Variants in DIAPH3 observed in about 807,000 individuals in gnomAD.
DIAPH3 encodes the protein protein diaphanous homolog 3.
In DIAPH3, 117 loss-of-function variants were observed where a neutral mutation model predicts 144.3. The ratio of observed to expected loss-of-function variants is 0.81; its 90% confidence interval spans 0.70 to 0.95. The LOEUF is 0.95. Ranked by LOEUF, DIAPH3 falls within the 40% of genes least tolerant of loss-of-function variation. DIAPH3 has a pLI of 0.00. For missense variants in DIAPH3, 1,421 were observed against 1,412.7 expected, an observed-to-expected ratio of 1.01 and a Z score of -0.09; for synonymous variants, 519 against 488.9, an observed-to-expected ratio of 1.06 and a Z score of -0.81.
At chr13:59,837,104 T>C (rs149101806) in intron 23 of DIAPH3, among the ~76,000 whole-genome samples, 1 of 152,120 alleles carries the variant, frequency 6.6e-6, no homozygotes, top group African/African-American at 2.4e-5. Flanking sequence ...CAAAGAATAT[T>C]TATGATTATA....
chr13:60,107,929 AT>A (rs2058464466), intron 3 of DIAPH3, among the ~76,000 whole-genome samples: 1 of 152,200 alleles, frequency 6.6e-6, no homozygotes, highest in Admixed American at 6.5e-5. Flanking sequence ...CTCTCAACCG[AT>A]AGTGAAAATA....
chr13:59,789,284 A>G (rs1320496677), intron 25 of DIAPH3, among the ~76,000 whole-genome samples: 1 of 152,100 alleles, frequency 6.6e-6, no homozygotes, highest in Admixed American at 6.6e-5. Flanking sequence ...ATGGCACAGC[A>G]CCTCCACTTC....
chr13:60,003,596 T>C (rs977816711), intron 9 of DIAPH3, among the ~76,000 whole-genome samples: 5 of 151,450 alleles, frequency 3.3e-5, no homozygotes, highest in African/African-American at 9.7e-5. Context: ...TTTTATGAGA[T>C]GGAGTCTTGC....
chr13:59,716,570 T>C (rs561392022), intron 27 of DIAPH3, among the ~76,000 whole-genome samples: 21 of 152,346 alleles, frequency 1.4e-4, no homozygotes, highest in Admixed American at 9.8e-4. Flanking sequence ...TGCCAGGCAA[T>C]ACACTAAACC....
At chr13:59,981,987 C>G (rs569016710) in intron 13 of DIAPH3, among the ~76,000 whole-genome samples, 3 of 151,440 alleles carry the variant, frequency 2.0e-5, no homozygotes, top group African/African-American at 7.2e-5. Flanking sequence ...AATTTTGATT[C>G]CCATTACATT....
At chr13:60,160,849 A>G (rs1033583694) in intron 1 of DIAPH3, among the ~76,000 whole-genome samples, 10 of 152,248 alleles carry the variant, frequency 6.6e-5, no homozygotes, top group African/African-American at 2.2e-4. Flanking sequence ...TACAATTACA[A>G]TAGACTAATT....
At chr13:59,689,337 AGAGG>A (rs1250939032) in intron 27 of DIAPH3, among the ~76,000 whole-genome samples, 5 of 151,900 alleles carry the variant, frequency 3.3e-5, no homozygotes, top group East Asian at 1.9e-4. Context: ...CACCCACACA[AGAGG>A]AAGGAAGGAA....
At chr13:59,866,153 T>C (rs570346389) in intron 21 of DIAPH3, among the ~76,000 whole-genome samples, 20 of 151,918 alleles carry the variant, frequency 1.3e-4, no homozygotes, top group Non-Finnish European at 2.2e-4. Context: ...GACAGTAGCA[T>C]CCTCAGCATT....
chr13:59,723,085 G>A (rs988103357), intron 27 of DIAPH3, among the ~76,000 whole-genome samples: 1 of 152,112 alleles, frequency 6.6e-6, no homozygotes, highest in African/African-American at 2.4e-5. Context: ...TCAGAATAAT[G>A]TTCAGGGACT....
chr13:59,932,999 C>G (rs1199893933), intron 17 of DIAPH3, among the ~76,000 whole-genome samples: 1 of 151,974 alleles, frequency 6.6e-6, no homozygotes, highest in East Asian at 1.9e-4. Flanking sequence ...CAGTGGAAAA[C>G]CAGCAAAAAT....
At chr13:60,144,827 T>C (rs916264718) in intron 1 of DIAPH3, 1 of 152,252 alleles carries the variant, frequency 6.6e-6, no homozygotes, top group Non-Finnish European at 1.5e-5. Context: ...TTTTAGTTCC[T>C]GGTTCCAGTC....
chr13:60,087,289 C>A (rs2057778135), intron 4 of DIAPH3, among the ~76,000 whole-genome samples: 1 of 152,138 alleles, frequency 6.6e-6, no homozygotes, highest in African/African-American at 2.4e-5. Context: ...CTTTTCTGAT[C>A]AAGATACGCC....
Position 59,905,342 on chromosome 13 carries a change from C to CA in DIAPH3, c.2367+6392dup, listed in dbSNP as rs59114311. Among the ~76,000 whole-genome samples, 110 of 69,740 alleles carry CA rather than the reference C, an allele frequency of 1.6e-3. 4 individuals are homozygous for CA. The highest frequency in any genetic ancestry group is 2.1e-3 in the African/African-American group (28 of 13,324). The allele number at this position is 69,740 out of a possible 152,430, so 45.8% of individuals were successfully genotyped here. A position where few individuals can be genotyped will look rare whatever the true frequency, so the allele number is the denominator to read the frequency against. Reference sequence around the variant, plus strand: ...TGGGCGACAGAGCGAGACTCTGTCTCAAAAAAAAAAAAAAAAAAAAAAAAA... The same window carrying CA: ...TGGGCGACAGAGCGAGACTCTGTCTCAAAAAAAAAAAAAAAAAAAAAAAAAA... On this transcript the variant is annotated intron_variant, in intron 20 of 27. Transcript: ENST00000400324.
chr13:60,099,449 C>A (rs1046180415), intron 3 of DIAPH3, among the ~76,000 whole-genome samples: 1 of 152,256 alleles, frequency 6.6e-6, no homozygotes, highest in Admixed American at 6.5e-5. Context: ...GGACACAGTA[C>A]AGTCAGTTGT....
intron 17 of DIAPH3, among the ~76,000 whole-genome samples, chr13:59,945,638 CA>C: frequency 6.7e-6 from 1 of 149,018 alleles, no homozygotes; most frequent in African/African-American, 2.5e-5. Flanking sequence ...AAAAAAGCCA[CA>C]CTAGCACTAA....
chr13:59,898,136 A>G (rs1161086719), intron 20 of DIAPH3, among the ~76,000 whole-genome samples: 1 of 29,424 alleles, frequency 3.4e-5, no homozygotes, highest in African/African-American at 1.0e-4. Flanking sequence ...CTCTGCCTCA[A>G]AAAAAAAAAA....
intron 22 of DIAPH3, among the ~76,000 whole-genome samples, chr13:59,844,175 T>A (rs1566401205): frequency 6.6e-6 from 1 of 151,972 alleles, no homozygotes; most frequent in Admixed American, 6.5e-5. Flanking sequence ...TATAGACAAT[T>A]CTTGTATGTA....
chr13:59,697,342 G>C (rs974435949), intron 27 of DIAPH3, among the ~76,000 whole-genome samples: 2 of 151,296 alleles, frequency 1.3e-5, no homozygotes, highest in Non-Finnish European at 3.0e-5. Flanking sequence ...CGCCTGTAGT[G>C]CCAGCTGCTC....
intron 1 of DIAPH3, among the ~76,000 whole-genome samples, chr13:60,137,194 T>C (rs766937186): frequency 5.3e-5 from 8 of 152,128 alleles, no homozygotes; most frequent in Non-Finnish European, 1.0e-4. Context: ...CACTCTGGAA[T>C]TGAAAGAGAA....
Sources: gnomAD v4.1 joint callset for allele counts (sites outside exome capture counted in the v4.1 genomes callset) on GRCh38, gnomAD v4.1.1 for gene constraint, MANE v1.5 for transcripts, NCBI Gene and HGNC (gene_info 2026-07-23, HGNC 2026-07-21) for gene names.